The following SLC24A3 variants were observed in gnomAD, a reference collection of about 807,000 sequenced individuals.
SLC24A3 encodes the protein sodium/potassium/calcium exchanger 3.
SLC24A3 carries 28 observed loss-of-function variants against 75.8 expected under a neutral mutation model. The observed-to-expected ratio is 0.37, with a 90% CI of 0.27 to 0.51. The LOEUF (loss-of-function observed/expected upper bound fraction) is 0.51. SLC24A3 is among the 20% of genes least tolerant of loss of function. The probability of loss-of-function intolerance (pLI) is 0.94; values close to 1 mark genes in which losing one functional copy is unlikely to be tolerated. For synonymous variants in SLC24A3, 372 were observed against 334.1 expected, an observed-to-expected ratio of 1.11 and a Z score of -1.24; for missense variants, 663 against 847.8, an observed-to-expected ratio of 0.78 and a Z score of 2.71.
chr20:19,594,719 G>A (rs2031429144), intron 6 of SLC24A3, among the ~76,000 whole-genome samples: 1 of 152,184 alleles, frequency 6.6e-6, no homozygotes, highest in African/African-American at 2.4e-5. Context: ...TGGATGGATA[G>A]ATGGAGAGAG....
chr20:19,378,250 A>G (rs1444020912), intron 2 of SLC24A3, among the ~76,000 whole-genome samples: 2 of 152,056 alleles, frequency 1.3e-5, no homozygotes, highest in African/African-American at 2.4e-5. Context: ...TCACAGATCT[A>G]CAACAGTGCA....
intron 2 of SLC24A3, among the ~76,000 whole-genome samples, chr20:19,333,364 T>G (rs1026894160): frequency 1.6e-4 from 25 of 152,140 alleles, no homozygotes; most frequent in African/African-American, 5.6e-4. Flanking sequence ...GTGCTCAAAC[T>G]AGGGGCTGAG....
intron 6 of SLC24A3, among the ~76,000 whole-genome samples, chr20:19,611,444 GCA>G (rs1407360450): frequency 6.6e-6 from 1 of 152,200 alleles, no homozygotes; most frequent in Non-Finnish European, 1.5e-5. Flanking sequence ...GACTCTCTAA[GCA>G]GAGTAGCCCA....
chr20:19,235,908 A>G (rs1982152284), intron 1 of SLC24A3, among the ~76,000 whole-genome samples: 1 of 152,208 alleles, frequency 6.6e-6, no homozygotes, highest in South Asian at 2.1e-4. Flanking sequence ...CAAGGTGTCT[A>G]TGGGTCATAA....
intron 1 of SLC24A3, among the ~76,000 whole-genome samples, chr20:19,221,120 T>C (rs1009833445): frequency 2.6e-5 from 4 of 152,198 alleles, no homozygotes; most frequent in African/African-American, 9.6e-5. Context: ...TGTAGTAGCA[T>C]GAACATAGCT....
rs1464725723 is a variant in SLC24A3, at chr20:19,421,995, C to T, written c.272-93493C>T. 5.9e-5 allele frequency among the ~76,000 whole-genome samples: 9 copies of T among 152,080 alleles called. No individual in the cohort carries two copies. The East Asian group carries it at 9.7e-4, about 16-fold the overall frequency. Reference sequence around the variant, plus strand: ...AACCTCCGGGAGATTGTGAGGAACACGCCTCAGCCTCAGAGTTGTCCCATC... The same window carrying T: ...AACCTCCGGGAGATTGTGAGGAACATGCCTCAGCCTCAGAGTTGTCCCATC... On this transcript the variant is annotated intron_variant, in intron 2 of 16. Transcript: ENST00000328041.
At chr20:19,543,874 A>G (rs1424392796) in intron 3 of SLC24A3, among the ~76,000 whole-genome samples, 3 of 152,212 alleles carry the variant, frequency 2.0e-5, no homozygotes, top group Middle Eastern at 3.2e-3. Flanking sequence ...GTTTATCTTA[A>G]CAGACATTCC....
At chr20:19,507,713 A>T (rs1233098885) in intron 2 of SLC24A3, among the ~76,000 whole-genome samples, 1 of 152,228 alleles carries the variant, frequency 6.6e-6, no homozygotes, top group Non-Finnish European at 1.5e-5. Flanking sequence ...AGGTCTCTGG[A>T]ACAATGAGAA....
chr20:19,548,387 A>G (rs1026315168), intron 3 of SLC24A3, among the ~76,000 whole-genome samples: 2 of 152,222 alleles, frequency 1.3e-5, no homozygotes, highest in African/African-American at 4.8e-5. Context: ...TAATTTAACA[A>G]TGAGATGTTA....
At chr20:19,458,564 A>G (rs1362615643) in intron 2 of SLC24A3, among the ~76,000 whole-genome samples, 1 of 152,088 alleles carries the variant, frequency 6.6e-6, no homozygotes, top group Non-Finnish European at 1.5e-5. Flanking sequence ...GGCAACCACC[A>G]TTCCATTTTC....
chr20:19,441,199 A>G (rs1369490778), intron 2 of SLC24A3, among the ~76,000 whole-genome samples: 2 of 152,154 alleles, frequency 1.3e-5, no homozygotes, highest in Non-Finnish European at 2.9e-5. Context: ...CCCATTTCTA[A>G]TTCACATTCT....
intron 3 of SLC24A3, among the ~76,000 whole-genome samples, chr20:19,537,753 T>C (rs1398985457): frequency 2.0e-5 from 3 of 151,790 alleles, no homozygotes; most frequent in Non-Finnish European, 2.9e-5. Flanking sequence ...CTGGAAACCA[T>C]CATTCTGAGC....
At chr20:19,336,000 T>C (rs6106056) in intron 2 of SLC24A3, among the ~76,000 whole-genome samples, 47,177 of 152,134 alleles carry the variant, frequency 0.31, 7,837 homozygotes, top group Middle Eastern at 0.52. Context: ...TGGTACATAA[T>C]TGCAAGTCCA....
At chr20:19,553,431 C>G (rs1031900743) in intron 3 of SLC24A3, among the ~76,000 whole-genome samples, 1 of 152,104 alleles carries the variant, frequency 6.6e-6, no homozygotes, top group South Asian at 2.1e-4. Context: ...ACACTCAATT[C>G]AGAAAATGAG....
chr20:19,657,180 T>A (rs2032276235), intron 7 of SLC24A3, among the ~76,000 whole-genome samples: 1 of 152,232 alleles, frequency 6.6e-6, no homozygotes, highest in Non-Finnish European at 1.5e-5. Flanking sequence ...GCTAGAGTTT[T>A]GTGATTTGAG....
At chr20:19,400,329 T>C (rs1025076988) in intron 2 of SLC24A3, among the ~76,000 whole-genome samples, 2 of 152,182 alleles carry the variant, frequency 1.3e-5, no homozygotes, top group African/African-American at 4.8e-5. Context: ...TCTTACTTTT[T>C]TGACTTGTTG....
chr20:19,214,920 C>T (rs1981512653), intron 1 of SLC24A3, among the ~76,000 whole-genome samples: 1 of 152,140 alleles, frequency 6.6e-6, no homozygotes, highest in Non-Finnish European at 1.5e-5. Flanking sequence ...CCTCCACACC[C>T]CAGTAACTGA....
chr20:19,239,203 C>G (rs1359458466), intron 1 of SLC24A3, among the ~76,000 whole-genome samples: 3 of 152,062 alleles, frequency 2.0e-5, no homozygotes, highest in African/African-American at 7.2e-5. Context: ...GGAGACAGCC[C>G]TATCCCTCTC....
intron 2 of SLC24A3, among the ~76,000 whole-genome samples, chr20:19,301,344 T>C (rs1984191176): frequency 6.6e-6 from 1 of 152,188 alleles, no homozygotes; most frequent in African/African-American, 2.4e-5. Flanking sequence ...TATCCAGCTG[T>C]TTCAGCTCCT....
Sources: allele counts gnomAD v4.1 joint callset (sites outside exome capture counted in the v4.1 genomes callset), GRCh38; gene constraint gnomAD v4.1.1; transcripts MANE v1.5; gene names NCBI Gene and HGNC (gene_info 2026-07-23, HGNC 2026-07-21).